Variants in CPEB3 observed in about 807,000 individuals in gnomAD.
CPEB3 encodes cytoplasmic polyadenylation element-binding protein 3.
Under a neutral mutation model 67.2 loss-of-function variants are expected in CPEB3, and 20 were observed. The observed-to-expected ratio is 0.30, with a 90% CI of 0.21 to 0.43. The LOEUF is 0.43. CPEB3 is among the 20% of genes least tolerant of loss of function. The pLI is 1.00. For missense variants in CPEB3, 746 were observed against 968.6 expected (o/e 0.77, Z 3.05); for synonymous variants, 376 against 393.1 (o/e 0.96, Z 0.51).
chr10:92,263,600 C>T (rs1852906732), intron 1 of CPEB3, among the ~76,000 whole-genome samples: 1 of 152,198 alleles, frequency 6.6e-6, no homozygotes, highest in Admixed American at 6.5e-5. Flanking sequence ...GCAGGTATTT[C>T]TTGTCCTACC....
chr10:92,135,657 C>T (rs1254576428), intron 6 of CPEB3, among the ~76,000 whole-genome samples: 3 of 152,124 alleles, frequency 2.0e-5, no homozygotes, highest in Non-Finnish European at 4.4e-5. Flanking sequence ...GATCCCATTA[C>T]TAGATAAATG....
chr10:92,102,912 C>T (rs570414824), intron 7 of CPEB3, among the ~76,000 whole-genome samples: 161 of 152,190 alleles, frequency 1.1e-3, no homozygotes, highest in Non-Finnish European at 1.7e-3. Flanking sequence ...GTCTATTTCC[C>T]TCTATTGGAC....
At chr10:92,270,051 A>G (rs1853237801) in intron 1 of CPEB3, among the ~76,000 whole-genome samples, 1 of 152,062 alleles carries the variant, frequency 6.6e-6, no homozygotes, top group African/African-American at 2.4e-5. Flanking sequence ...GGGGGAAGGT[A>G]AGAGGATGCT....
At chr10:92,090,644 G>T (rs936109452) in intron 8 of CPEB3, among the ~76,000 whole-genome samples, 1 of 152,196 alleles carries the variant, frequency 6.6e-6, no homozygotes, top group Non-Finnish European at 1.5e-5. Flanking sequence ...ATAAGGAAAA[G>T]GATTTCTGTC....
In CPEB3 at chr10:92,253,385, G is replaced by A. The variant is rs141340327; in HGVS notation, c.-11-13024C>T. ...TGAGGCAGGAGAATCACTTGAACCC[G>A]AGAGGTGGAGGTTGCAGTGAGCCGA... On this transcript the variant is annotated intron_variant, in intron 1 of 9. Coordinates refer to ENST00000265997, the MANE Select transcript of CPEB3 (RefSeq NM_014912.5). Among the ~76,000 whole-genome samples, 1,149 of 142,728 alleles carry A rather than the reference G, an allele frequency of 8.1e-3. 9 individuals carry two copies. Among genetic ancestry groups the A allele is most frequent in the African/African-American group, 0.026 (992 of 37,972 alleles). 93.6% of individuals were successfully genotyped at this position (142,728 alleles called of 152,430 possible).
intron 8 of CPEB3, among the ~76,000 whole-genome samples, 199 bp downstream of exon 8, chr10:92,091,631 T>C (rs1418409702): frequency 6.6e-6 from 1 of 152,218 alleles, no homozygotes; most frequent in East Asian, 1.9e-4. Context: ...TTTAATGAAA[T>C]TCACTTTTGC....
At chr10:92,230,593 C>T (rs1490891864) in intron 2 of CPEB3, among the ~76,000 whole-genome samples, 6 of 152,082 alleles carry the variant, frequency 3.9e-5, no homozygotes, top group Non-Finnish European at 8.8e-5. Flanking sequence ...ATTTCAAGTT[C>T]ACAAAATGCA....
rs369493276 is a variant in CPEB3 at position 92,217,440 on chromosome 10, C to T, written c.1005+21906G>A. On this transcript the variant is annotated intron_variant, in intron 2 of 9. Coordinates refer to ENST00000265997, the MANE Select transcript of CPEB3 (RefSeq NM_014912.5). ...AGCATGCTTTTCAAGTCTCTACCAT[C>T]AATGAATACTCAAGAAATCAAATTA... Among the ~76,000 whole-genome samples the T allele has an allele frequency of 6.6e-5, 10 of 152,142 alleles. No individual in the cohort carries two copies. In the East Asian group the frequency reaches 1.2e-3, roughly 18 times the overall value.
chr10:92,213,577 G>A (rs1027058155), intron 2 of CPEB3, among the ~76,000 whole-genome samples: 6 of 152,166 alleles, frequency 3.9e-5, no homozygotes, highest in African/African-American at 1.4e-4. Flanking sequence ...CAATTTCATT[G>A]AAGCTGGAAT....
At chr10:92,094,263 T>C (rs1417131227) in intron 7 of CPEB3, among the ~76,000 whole-genome samples, 1 of 152,074 alleles carries the variant, frequency 6.6e-6, no homozygotes, top group East Asian at 1.9e-4. Context: ...CTGTTTACAA[T>C]ATTGTTCACA....
chr10:92,257,467 T>G (rs888535452), intron 1 of CPEB3, among the ~76,000 whole-genome samples: 7 of 151,626 alleles, frequency 4.6e-5, no homozygotes, highest in Non-Finnish European at 1.0e-4. Flanking sequence ...GCTAATTTTT[T>G]GTATTTTTAG....
chr10:92,133,049 C>T (rs1845918634), intron 6 of CPEB3, among the ~76,000 whole-genome samples: 1 of 152,038 alleles, frequency 6.6e-6, no homozygotes, highest in East Asian at 1.9e-4. Flanking sequence ...GCACTAAATG[C>T]CCCCAAGAGA....
intron 1 of CPEB3, among the ~76,000 whole-genome samples, chr10:92,267,013 G>C (rs984291393): frequency 6.6e-6 from 1 of 151,834 alleles, no homozygotes; most frequent in African/African-American, 2.4e-5. Context: ...CAGCCTGGGG[G>C]ACAAGAGCAA....
intron 7 of CPEB3, among the ~76,000 whole-genome samples, chr10:92,099,228 T>G (rs576626696): frequency 2.0e-3 from 293 of 147,412 alleles, no homozygotes; most frequent in Middle Eastern, 6.8e-3. Context: ...TTCGTCTTTT[T>G]TTTTTTTTTT....
chr10:92,172,583 C>T (rs1335780780), intron 4 of CPEB3, among the ~76,000 whole-genome samples: 1 of 152,182 alleles, frequency 6.6e-6, no homozygotes, highest in Non-Finnish European at 1.5e-5. Flanking sequence ...ATCTGTGTGT[C>T]TAAACCTTAT....
chr10:92,058,762 A>G (rs1399181438), intron 9 of CPEB3, among the ~76,000 whole-genome samples: 4 of 152,064 alleles, frequency 2.6e-5, no homozygotes, highest in African/African-American at 9.7e-5. Flanking sequence ...CCAAAAATCA[A>G]TAAAGAAACA....
intron 2 of CPEB3, among the ~76,000 whole-genome samples, chr10:92,238,594 C>CT (rs1162031720): frequency 6.6e-6 from 1 of 150,500 alleles, no homozygotes; most frequent in Non-Finnish European, 1.5e-5. Context: ...CAATATGGCT[C>CT]TGAAGGTCAC....
intron 9 of CPEB3, among the ~76,000 whole-genome samples, chr10:92,061,558 T>C (rs576185899): frequency 2.6e-5 from 4 of 152,010 alleles, no homozygotes; most frequent in Non-Finnish European, 4.4e-5. Context: ...GAGATCACTA[T>C]GTTAAGTGAA....
At chr10:92,096,175 T>C (rs779162868) in intron 7 of CPEB3, among the ~76,000 whole-genome samples, 15 of 151,822 alleles carry the variant, frequency 9.9e-5, no homozygotes, top group Non-Finnish European at 2.2e-4. Flanking sequence ...ATGCCCAGCC[T>C]AGAATATATT....
Sources: gnomAD v4.1 joint callset for allele counts (sites outside exome capture counted in the v4.1 genomes callset) on GRCh38, gnomAD v4.1.1 for gene constraint, MANE v1.5 for transcripts, NCBI Gene and HGNC (gene_info 2026-07-23, HGNC 2026-07-21) for gene names.